RUVBL1: variants seen among roughly 807,000 people sequenced by gnomAD.
RUVBL1 encodes the protein RuvB like AAA ATPase 1.
RUVBL1 carries 4 observed loss-of-function variants against 52.4 expected under a neutral mutation model. The ratio of observed to expected loss-of-function variants is 0.08; its 90% CI spans 0.04 to 0.17. RUVBL1 has a LOEUF of 0.17. Among genes scored for constraint, RUVBL1 ranks in the 10% least tolerant of loss-of-function variants. The pLI is 1.00. For synonymous variants in RUVBL1, 217 were observed against 214.4 expected, an observed-to-expected ratio of 1.01 and a Z score of -0.10; for missense variants, 298 against 572.8, an observed-to-expected ratio of 0.52 and a Z score of 4.90.
intron 1 of RUVBL1, among the ~76,000 whole-genome samples, chr3:128,142,308 AGAGGGCAGGCATT>A (rs1944037183): frequency 6.6e-6 from 1 of 152,214 alleles, no homozygotes. Flanking sequence ...TGGTCTGACA[AGAGGGCAGGCATT>A]GAGGTCTCTT....
At chr3:128,115,796 GC>G (rs1943508123) in intron 2 of RUVBL1, among the ~76,000 whole-genome samples, 1 of 152,178 alleles carries the variant, frequency 6.6e-6, no homozygotes, top group South Asian at 2.1e-4. Flanking sequence ...ATACAGGAAA[GC>G]TCAGCAAGGT....
upstream of RUVBL1, chr3:128,123,947 T>G: frequency 8.1e-7 from 1 of 1,231,730 alleles, no homozygotes; most frequent in Non-Finnish European, 1.0e-6. Context: ...CGTCTGTGTC[T>G]CCGGGTTGGC....
intron 3 of RUVBL1, among the ~76,000 whole-genome samples, chr3:128,112,359 G>A (rs1373700992): frequency 1.3e-5 from 2 of 152,196 alleles, no homozygotes; most frequent in African/African-American, 2.4e-5. Context: ...CCTCAGAGGA[G>A]GGAAGGCCTG....
chr3:128,065,765 C>A lies in RUVBL1; in HGVS notation c.940-545G>T, dbSNP rs547224854. ...TTTTTTTTTTTTTTTGAGACGGAGTCTTGCTCTGTTGCCCAGGCTGGAGTG... is the reference window on the plus strand; with the variant it reads ...TTTTTTTTTTTTTTTGAGACGGAGTATTGCTCTGTTGCCCAGGCTGGAGTG... On this transcript the variant is annotated intron_variant, in intron 9 of 9. Transcript: ENST00000464873. Among the ~76,000 whole-genome samples the A allele has an allele frequency of 2.7e-3, 265 of 97,960 alleles. 1 individual carries two copies. The highest frequency in any genetic ancestry group is 9.9e-3 in the African/African-American group (237 of 23,864). The allele number at this position is 97,960 out of a possible 152,430, so 64.3% of individuals were successfully genotyped here. A position where few individuals can be genotyped will look rare whatever the true frequency, so the allele number is the denominator to read the frequency against.
At chr3:128,106,692 A>G (rs936166842) in intron 3 of RUVBL1, among the ~76,000 whole-genome samples, 2 of 152,244 alleles carry the variant, frequency 1.3e-5, no homozygotes, top group Admixed American at 6.5e-5. Context: ...CACATCATCT[A>G]CTAATAATAC....
chr3:128,065,595 G>C (rs1384179224), intron 9 of RUVBL1, among the ~76,000 whole-genome samples: 1 of 152,192 alleles, frequency 6.6e-6, no homozygotes, highest in African/African-American at 2.4e-5. Context: ...ATGAAAGGCA[G>C]TTTGATGTTT....
chr3:128,068,028 C>T, intron 9 of RUVBL1: 1 of 1,613,884 alleles, frequency 6.2e-7, no homozygotes, highest in Non-Finnish European at 8.5e-7. Flanking sequence ...GAGAGGCCAC[C>T]GAGAGACCTC....
At chr3:128,124,309 C>G (rs1943747482), upstream of RUVBL1, among the ~76,000 whole-genome samples, 1 of 152,058 alleles carries the variant, frequency 6.6e-6, no homozygotes, top group Non-Finnish European at 1.5e-5. Context: ...CCATCCTCCA[C>G]CGAGAGATAA....
At chr3:128,143,967 G>C (rs1944067748) in intron 1 of RUVBL1, among the ~76,000 whole-genome samples, 1 of 152,232 alleles carries the variant, frequency 6.6e-6, no homozygotes, top group Admixed American at 6.5e-5. Context: ...AGGTGGAAGA[G>C]ATGGTGAAGT....
intron 3 of RUVBL1, among the ~76,000 whole-genome samples, chr3:128,105,514 G>A (rs1943211485): frequency 6.6e-6 from 1 of 152,102 alleles, no homozygotes. Context: ...ATTTCCAAGG[G>A]GGTGAAATTT....
At chr3:128,113,723 C>G (rs1474646655) in intron 2 of RUVBL1, among the ~76,000 whole-genome samples, 1 of 152,062 alleles carries the variant, frequency 6.6e-6, no homozygotes. Flanking sequence ...ATACGTGGAA[C>G]CCACAGATAG....
chr3:128,116,057 G>A (rs1049786526), intron 2 of RUVBL1, among the ~76,000 whole-genome samples: 1 of 152,004 alleles, frequency 6.6e-6, no homozygotes, highest in African/African-American at 2.4e-5. Context: ...AACCCAAGAG[G>A]TAGAGACTGC....
Position 128,123,677 on chromosome 3 carries a change from G to C in RUVBL1, c.48C>G (p.Ala16=), listed in dbSNP as rs1418718266. ...VKSTTKTQRI[A]SHSHVKGLGL... ...CCAGCCCTTTCACGTGGCTGTGGGA[G>C]GCGATGCGCTGCGTCTTCGTAGTGC... is the stretch of plus-strand genomic sequence containing the variant. The change falls in exon 1 of 11, where the codon GCC becomes GCG. Residue 16 remains alanine (A), a synonymous_variant. Coordinates refer to ENST00000322623, the MANE Select transcript of RUVBL1 (RefSeq NM_003707.3). The C allele has an allele frequency of 6.2e-7, 1 of 1,612,250 alleles. No individual in the cohort carries two copies. The highest frequency in any genetic ancestry group is 1.1e-5 in the South Asian group (1 of 91,074).
In RUVBL1 at chr3:128,098,941, C is replaced by T. The variant is rs751589908; in HGVS notation, c.758G>A (p.Gly253Glu). 1 of 1,613,040 alleles carries T rather than the reference C, an allele frequency of 6.2e-7. No individual in the cohort carries two copies. The highest frequency in any genetic ancestry group is 1.7e-5 in the Admixed American group (1 of 59,982). ...LDVANARPQGGQDILSMMGQL... is the reference protein window; with the variant it reads ...LDVANARPQGEQDILSMMGQL... ...GCCCATCATGGACAGGATATCTTGTCCCCCCTGCATAAGAGAAGACTTAGA... is the reference window on the plus strand; with the variant it reads ...GCCCATCATGGACAGGATATCTTGTTCCCCCTGCATAAGAGAAGACTTAGA... Residue 253 changes from glycine to glutamate, a missense_variant, in exon 7 of 11, where the codon GGA becomes GAA. Transcript: ENST00000322623.
At chr3:128,079,552 C>G (rs978640770), downstream of RUVBL1, among the ~76,000 whole-genome samples, 2 of 152,142 alleles carry the variant, frequency 1.3e-5, no homozygotes, top group Non-Finnish European at 2.9e-5. Context: ...TAACATGGCT[C>G]GAGTGGGGAG....
Position 128,081,270 on chromosome 3 carries a change from G to T in RUVBL1, c.1351C>A (p.Gln451Lys). 1.9e-6 allele frequency: 3 copies of T among 1,614,192 alleles called. No individual in the cohort carries two copies. The highest frequency in any genetic ancestry group is 2.5e-6 in the Non-Finnish European group (3 of 1,180,008). ...CCATCTCACTTCATGTACTTATCCT[G>T]CTGGTCAGCCAGGATTTTGGCGGAG... ...KSSAKILADQ[Q>K]DKYMK The change falls in exon 11 of 11, where the codon CAG (glutamine) becomes AAG (lysine). Residue 451 changes from glutamine to lysine, a missense_variant. Coordinates refer to ENST00000322623, the MANE Select transcript of RUVBL1 (RefSeq NM_003707.3). This position sits in a 1 kb window ranked among gnomAD's most constrained non-coding sequence, Gnocchi z 4.8.
rs1388067838 is a variant in RUVBL1, at chr3:128,123,690, G to A, written c.35C>T (p.Thr12Met). ...KIEEVKSTTK[T>M]QRIASHSHVK... is the part of the protein sequence containing the mutation. ...GTGGCTGTGGGAGGCGATGCGCTGCGTCTTCGTAGTGCTCTTCACCTCCTC... is the reference window on the plus strand; with the variant it reads ...GTGGCTGTGGGAGGCGATGCGCTGCATCTTCGTAGTGCTCTTCACCTCCTC... Residue 12 changes from threonine to methionine, a missense_variant, in exon 1 of 11, where the codon ACG becomes ATG. This residue lies in a region of RUVBL1 where 71 missense variants were observed against 125.7 expected (regional missense o/e 0.57). Coordinates refer to ENST00000322623, the MANE Select transcript of RUVBL1 (RefSeq NM_003707.3). 1 of 1,611,552 alleles carries A rather than the reference G, an allele frequency of 6.2e-7. No homozygotes were observed. The highest frequency in any genetic ancestry group is 8.5e-7 in the Non-Finnish European group (1 of 1,179,244).
rs534342355 is a variant in RUVBL1 at position 128,141,632 on chromosome 3, G to A, written c.-40+11571C>T. ...CTGCCTCAGACTCCTGAGTAGCTGG[G>A]ATTACAGATGCCCACTACAACACCC... On this transcript the variant is annotated intron_variant, in intron 1 of 9. Coordinates refer to the RUVBL1 transcript ENST00000464873. Among the ~76,000 whole-genome samples the A allele has an allele frequency of 6.6e-5, 10 of 152,292 alleles. No individual in the cohort carries two copies. In the South Asian group the frequency reaches 2.1e-3, roughly 32 times the overall value.
At chr3:128,138,415 A>G (rs1418929250) in intron 1 of RUVBL1, among the ~76,000 whole-genome samples, 1 of 152,154 alleles carries the variant, frequency 6.6e-6, no homozygotes, top group Non-Finnish European at 1.5e-5. Context: ...CTATATGCCA[A>G]CTGTGAACAG....
Sources: allele counts gnomAD v4.1 joint callset (sites outside exome capture counted in the v4.1 genomes callset), GRCh38; gene constraint gnomAD v4.1.1; regional missense constraint gnomAD v4.1.1; non-coding constraint Gnocchi (gnomAD v3.1); transcripts MANE v1.5; gene names NCBI Gene and HGNC (gene_info 2026-07-23, HGNC 2026-07-21).